Variants in TTC7B observed in about 807,000 individuals in gnomAD.
TTC7B encodes the protein tetratricopeptide repeat protein 7B.
Under a neutral mutation model 106.8 loss-of-function variants are expected in TTC7B, and 28 were observed. The observed-to-expected ratio is 0.26, with a 90% CI of 0.19 to 0.36. The LOEUF (loss-of-function observed/expected upper bound fraction) is 0.36, where lower values mean the gene tolerates loss of function less well. Ranked by LOEUF, TTC7B falls within the 10% of genes least tolerant of loss-of-function variation. The pLI is 1.00. For synonymous variants in TTC7B, 405 were observed against 430.6 expected (o/e 0.94, Z 0.74); for missense variants, 862 against 1,076.4 (o/e 0.80, Z 2.79).
intron 4 of TTC7B, among the ~76,000 whole-genome samples, chr14:90,741,505 A>C (rs1889763681): frequency 6.6e-6 from 1 of 152,166 alleles, no homozygotes; most frequent in Non-Finnish European, 1.5e-5. Context: ...AGCGGAGCAA[A>C]CAGGAACAGC....
intron 3 of TTC7B, among the ~76,000 whole-genome samples, chr14:90,758,225 C>T (rs1890369453): frequency 6.6e-6 from 1 of 150,936 alleles, no homozygotes; most frequent in Non-Finnish European, 1.5e-5. Context: ...AAATGGTCAG[C>T]CGGCCTTGGG....
At chr14:90,588,886 T>TAAAAA (rs572763059) in intron 18 of TTC7B, among the ~76,000 whole-genome samples, 2 of 81,716 alleles carry the variant, frequency 2.4e-5, no homozygotes, top group African/African-American at 4.8e-5. Context: ...AAACAAAAAC[T>TAAAAA]AAAAAAAAAA....
rs1039837293 is a variant in TTC7B, at chr14:90,758,417, G to GA, written c.446-13496dup. Among the ~76,000 whole-genome samples the GA allele has an allele frequency of 2.1e-4, 24 of 112,274 alleles. No homozygotes were observed. The Admixed American group carries it at 2.2e-3, about 10-fold the overall frequency. The allele number at this position is 112,274 out of a possible 152,430, so 73.7% of individuals were successfully genotyped here. A position where few individuals can be genotyped will look rare whatever the true frequency, so the allele number is the denominator to read the frequency against. ...GAGAGTGGGGCGGGGCGGGGTCGGG[G>GA]ACAGCAGTGAGCGGGGCGGGGCGAA... is the stretch of plus-strand genomic sequence containing the variant. On this transcript the variant is annotated intron_variant, in intron 3 of 19. Transcript: ENST00000328459.
chr14:90,612,293 C>G (rs17224089), intron 16 of TTC7B, among the ~76,000 whole-genome samples: 23,012 of 152,166 alleles, frequency 0.15, 1,795 homozygotes, highest in South Asian at 0.23. Context: ...TGCAAATTTT[C>G]ACTCATCACA....
intron 9 of TTC7B, among the ~76,000 whole-genome samples, chr14:90,674,658 TA>T (rs1234228531): frequency 3.9e-5 from 6 of 152,248 alleles, no homozygotes; most frequent in Non-Finnish European, 8.8e-5. Context: ...TGATAGTACA[TA>T]CATGTGTTGA....
Position 90,570,967 on chromosome 14 carries a change from C to G in TTC7B, c.2310+7139G>C, listed in dbSNP as rs1891011095. Among the ~76,000 whole-genome samples, 1 of 152,216 alleles carries G rather than the reference C, an allele frequency of 6.6e-6. No individual in the cohort carries two copies. The highest frequency in any genetic ancestry group is 2.4e-5 in the African/African-American group (1 of 41,460). On this transcript the variant is annotated intron_variant, in intron 19 of 19. Coordinates refer to ENST00000328459, the MANE Select transcript of TTC7B (RefSeq NM_001010854.2). This position sits in a 1 kb window ranked among gnomAD's most constrained non-coding sequence, Gnocchi z 4.0. The stretch of plus-strand genomic sequence containing the variant: ...CTGGCGCCAGCACCGTGCTCCCGAT[C>G]TTTCCACCGCCTGTCACTGAAGCTC...
In TTC7B at chr14:90,570,611, CG is replaced by C. The variant is rs1890993763; in HGVS notation, c.2310+7494del. Among the ~76,000 whole-genome samples, 1 of 152,230 alleles carries C rather than the reference CG, an allele frequency of 6.6e-6. No homozygotes were observed. Among genetic ancestry groups the C allele is most frequent in the East Asian group, 1.9e-4 (1 of 5,168 alleles). ...CACGCACCGAGATATATTCTCATTT[CG>C]GCTCCTCCAACCAGTGAAAGTCAGT... On this transcript the variant is annotated intron_variant, in intron 19 of 19. Transcript: ENST00000328459. The surrounding 1 kb of genome is among the most constrained non-coding windows in gnomAD (Gnocchi z 4.0).
intron 5 of TTC7B, among the ~76,000 whole-genome samples, chr14:90,696,512 G>A (rs1434943742): frequency 6.6e-6 from 1 of 152,296 alleles, no homozygotes; most frequent in South Asian, 2.1e-4. Flanking sequence ...TCTGCAGGCC[G>A]TGGCAGATGC....
intron 3 of TTC7B, among the ~76,000 whole-genome samples, chr14:90,774,764 G>C (rs1890972152): frequency 6.6e-6 from 1 of 152,230 alleles, no homozygotes; most frequent in Non-Finnish European, 1.5e-5. Flanking sequence ...GCTAGGCTGG[G>C]CGCGGTGGCT....
chr14:90,639,150 G>A (rs1824236510), intron 15 of TTC7B, among the ~76,000 whole-genome samples: 2 of 152,102 alleles, frequency 1.3e-5, no homozygotes, highest in South Asian at 4.1e-4. Flanking sequence ...GAAGGGAAAG[G>A]TTTCTTCAAC....
intron 3 of TTC7B, among the ~76,000 whole-genome samples, chr14:90,775,634 G>T (rs576982763): frequency 6.0e-4 from 92 of 152,200 alleles, no homozygotes; most frequent in Non-Finnish European, 8.5e-4. Flanking sequence ...GGGCACAGAG[G>T]TTACTCAGCT....
In TTC7B at chr14:90,689,603, C is replaced by A; in HGVS notation, c.887G>T (p.Arg296Leu). The A allele has an allele frequency of 1.9e-6, 3 of 1,614,098 alleles. No individual in the cohort carries two copies. Among genetic ancestry groups the A allele is most frequent in the Admixed American group, 1.7e-5 (1 of 60,000 alleles). ...GTAGGTTTTTGTGTTTGCTCCTTTG[C>A]GGAGAGGATCGTCCAGAGGTGACTG... The part of the protein sequence containing the change: ...PCQSPLDDPL[R>L]KGANTKTYTL... Residue 296 changes from arginine (R) to leucine (L), a missense_variant, in exon 7 of 20, where the codon CGC becomes CTC. Physicochemically the swap from Arg to Leu is moderately radical, Grantham distance 102. Coordinates refer to ENST00000328459, the MANE Select transcript of TTC7B (RefSeq NM_001010854.2).
intron 4 of TTC7B, among the ~76,000 whole-genome samples, chr14:90,737,546 GTTTTTTTTTTT>G (rs71461922): frequency 4.4e-5 from 4 of 91,750 alleles, no homozygotes; most frequent in Non-Finnish European, 8.6e-5. Flanking sequence ...GTATGATTCT[GTTTTTTTTTTT>G]TTTTTTTTTT....
At position 90,735,638 on chromosome 14, in the gene TTC7B, C is replaced by T. The variant is rs147621856; in HGVS notation, c.577-5442G>A. Among the ~76,000 whole-genome samples the T allele has an allele frequency of 3.6e-3, 548 of 151,670 alleles. 5 individuals are homozygous for T. Among genetic ancestry groups the T allele is most frequent in the African/African-American group, 0.012 (513 of 41,326 alleles). ...CTTTGGAAGGCCAAGGTGGGTGGAT[C>T]GCTTGAGGTCAGGAGTTCGAGACCA... On this transcript the variant is annotated intron_variant, in intron 4 of 19. Transcript: ENST00000328459.
chr14:90,628,147 C>G (rs1162655632), intron 15 of TTC7B, among the ~76,000 whole-genome samples: 1 of 152,228 alleles, frequency 6.6e-6, no homozygotes, highest in Non-Finnish European at 1.5e-5. Context: ...ATGAATTGAA[C>G]AAGTGCCTCT....
At chr14:90,550,468 G>A (rs1371478437) in intron 19 of TTC7B, among the ~76,000 whole-genome samples, 1 of 152,206 alleles carries the variant, frequency 6.6e-6, no homozygotes, top group Admixed American at 6.5e-5. Context: ...TGGCCAACCA[G>A]TTCCACATAA....
At chr14:90,582,575 A>G (rs1891544236) in intron 18 of TTC7B, among the ~76,000 whole-genome samples, 2 of 152,258 alleles carry the variant, frequency 1.3e-5, no homozygotes, top group Non-Finnish European at 2.9e-5. Context: ...GAAAGCCTGG[A>G]GCCCAAAGCG....
At position 90,539,053 on chromosome 14, in the gene TTC7B, A is replaced by C. The variant is rs1247749909; in HGVS notation, c.*2315T>G. On this transcript the variant is annotated 3_prime_UTR_variant, in exon 20 of 20. Coordinates refer to ENST00000328459, the MANE Select transcript of TTC7B (RefSeq NM_001010854.2). The stretch of plus-strand genomic sequence containing the variant: ...AACAAAAGTCCCAGGGGTGCTTCTC[A>C]TTGGCCAAGCATGGGTCACATGCCC... 2 of 152,180 alleles carry C rather than the reference A, an allele frequency of 1.3e-5. No individual in the cohort carries two copies. The highest frequency in any genetic ancestry group is 2.9e-5 in the Non-Finnish European group (2 of 68,036). 9.4% of individuals were successfully genotyped at this position (152,180 alleles called of 1,614,324 possible).
intron 5 of TTC7B, chr14:90,698,281 T>C (rs1459703752): frequency 6.6e-6 from 1 of 152,156 alleles, no homozygotes; most frequent in Non-Finnish European, 1.5e-5. Flanking sequence ...TTGCAAGAAT[T>C]CTATTCCAAA....
Sources: allele counts gnomAD v4.1 joint callset (sites outside exome capture counted in the v4.1 genomes callset), GRCh38; gene constraint gnomAD v4.1.1; non-coding constraint Gnocchi (gnomAD v3.1); transcripts MANE v1.5; gene names NCBI Gene and HGNC (gene_info 2026-07-23, HGNC 2026-07-21).